Variants in APP observed in about 807,000 individuals in gnomAD.
APP encodes the protein amyloid beta precursor protein.
A neutral mutation model predicts 101.4 loss-of-function variants in APP; 31 were observed. The ratio of observed to expected loss-of-function variants is 0.31; its 90% CI spans 0.23 to 0.41. The LOEUF is 0.41. APP is among the 10% of genes least tolerant of loss of function. The probability of loss-of-function intolerance (pLI) is 1.00; values close to 1 mark genes in which losing one functional copy is unlikely to be tolerated. For missense variants in APP, 839 were observed against 1,003.7 expected (o/e 0.84, Z 2.22); for synonymous variants, 366 against 364.4 (o/e 1.00, Z -0.05).
At chr21:25,885,585 G>T (rs1297070529) in intron 17 of APP, among the ~76,000 whole-genome samples, 1 of 152,120 alleles carries the variant, frequency 6.6e-6, no homozygotes, top group Admixed American at 6.5e-5. Context: ...AGCAGGAAAT[G>T]ATCTGAGGTC....
At position 26,016,955 on chromosome 21, in the gene APP, G is replaced by T. The variant is rs972498180; in HGVS notation, c.865+4885C>A. Among the ~76,000 whole-genome samples the T allele has an allele frequency of 1.9e-4, 25 of 133,026 alleles. 3 individuals are homozygous for T. The highest frequency in any genetic ancestry group is 8.1e-4 in the African/African-American group (25 of 30,830). The allele number at this position is 133,026 out of a possible 152,430, so 87.3% of individuals were successfully genotyped here. A position where few individuals can be genotyped will look rare whatever the true frequency, so the allele number is the denominator to read the frequency against. ...TGGGGGGCGGGGGGCGGGGGGCGGG[G>T]GGTGCCGCCAAGGTGGGCAGATCAT... On this transcript the variant is annotated intron_variant, in intron 6 of 17. Transcript: ENST00000346798.
chr21:26,103,271 C>T (rs916379592), intron 2 of APP, among the ~76,000 whole-genome samples: 15 of 152,180 alleles, frequency 9.9e-5, no homozygotes, highest in African/African-American at 2.4e-4. Flanking sequence ...CTGGACTACA[C>T]GCCAACATTC....
intron 10 of APP, among the ~76,000 whole-genome samples, chr21:25,975,637 C>G (rs1222358684): frequency 1.3e-5 from 2 of 152,090 alleles, no homozygotes; most frequent in Non-Finnish European, 2.9e-5. Context: ...ATCAAAAATT[C>G]AAATTCTCAT....
chr21:26,125,987 A>G (rs1208294721), intron 1 of APP, among the ~76,000 whole-genome samples: 1 of 152,244 alleles, frequency 6.6e-6, no homozygotes, highest in Non-Finnish European at 1.5e-5. Context: ...ACATGTCTAC[A>G]GAGGAATAAG....
At chr21:26,021,626 AG>A (rs1300279390) in intron 6 of APP, among the ~76,000 whole-genome samples, 2 of 152,210 alleles carry the variant, frequency 1.3e-5, no homozygotes, top group African/African-American at 2.4e-5. Context: ...AGCATATACA[AG>A]GTACAAAACA....
At chr21:26,119,416 T>C (rs970862929) in intron 1 of APP, among the ~76,000 whole-genome samples, 3 of 152,258 alleles carry the variant, frequency 2.0e-5, no homozygotes, top group Admixed American at 1.3e-4. Context: ...TCTGGTAGTT[T>C]CCTCTTTAAG....
At chr21:25,928,096 G>A (rs2039977165) in intron 13 of APP, among the ~76,000 whole-genome samples, 1 of 152,096 alleles carries the variant, frequency 6.6e-6, no homozygotes, top group Non-Finnish European at 1.5e-5. Flanking sequence ...TGTAATCCCA[G>A]CATTTTGGGA....
At chr21:26,130,558 G>T (rs1462792526) in intron 1 of APP, among the ~76,000 whole-genome samples, 1 of 152,230 alleles carries the variant, frequency 6.6e-6, no homozygotes, top group Admixed American at 6.5e-5. Context: ...TGAGAATCAA[G>T]TTCCTTTCCA....
chr21:25,942,821 C>T (rs772661714), intron 13 of APP: 22 of 152,138 alleles, frequency 1.4e-4, no homozygotes, highest in East Asian at 1.2e-3. Context: ...TTAAGTGTAA[C>T]GCTCAGGGTA....
At chr21:25,931,076 G>C (rs1352553559) in intron 13 of APP, among the ~76,000 whole-genome samples, 1 of 152,178 alleles carries the variant, frequency 6.6e-6, no homozygotes, top group Non-Finnish European at 1.5e-5. Flanking sequence ...CTTTTTCCAG[G>C]GGAGTGCTAG....
chr21:25,900,417 G>A (rs909613647), intron 15 of APP, among the ~76,000 whole-genome samples: 1 of 148,074 alleles, frequency 6.8e-6, no homozygotes, highest in Non-Finnish European at 1.5e-5. Context: ...AAATTAGCCA[G>A]GTGTGGTGGC....
intron 6 of APP, among the ~76,000 whole-genome samples, chr21:26,016,949 GGC>G (rs1568861019): frequency 1.8e-4 from 4 of 22,462 alleles, no homozygotes; most frequent in Non-Finnish European, 2.7e-4. Context: ...GGGGGCGGGG[GGC>G]GGGGGGTGCC....
At chr21:25,935,601 C>A (rs113957902) in intron 13 of APP, among the ~76,000 whole-genome samples, 1 of 151,768 alleles carries the variant, frequency 6.6e-6, no homozygotes, top group Admixed American at 6.6e-5. Context: ...CAACACTTTG[C>A]GAGGCCGAGG....
At chr21:25,999,921 T>C (rs949584509) in intron 7 of APP, 94 bp downstream of exon 7, 3 of 1,443,338 alleles carry the variant, frequency 2.1e-6, no homozygotes, top group African/African-American at 1.4e-5. Context: ...AACAGGCCCA[T>C]TCCCAAGAAC....
intron 9 of APP, among the ~76,000 whole-genome samples, chr21:25,979,057 C>G (rs1456037414): frequency 7.5e-6 from 1 of 132,784 alleles, no homozygotes; most frequent in East Asian, 2.3e-4. Context: ...AATAAAAGTG[C>G]TCACACATGG....
intron 11 of APP, 137 bp downstream of exon 11, chr21:25,974,933 A>T (rs1272297261): frequency 2.3e-6 from 3 of 1,307,558 alleles, no homozygotes; most frequent in East Asian, 2.5e-5. Flanking sequence ...GATGGAATGG[A>T]CAGGGGTTGA....
At chr21:25,953,514 A>T (rs1444484267) in intron 13 of APP, among the ~76,000 whole-genome samples, 1 of 152,248 alleles carries the variant, frequency 6.6e-6, no homozygotes, top group African/African-American at 2.4e-5. Context: ...CTCTGATTCC[A>T]GATGATAACC....
chr21:25,966,473 C>G (rs1255198285), intron 11 of APP, among the ~76,000 whole-genome samples: 1 of 152,126 alleles, frequency 6.6e-6, no homozygotes, highest in Non-Finnish European at 1.5e-5. Flanking sequence ...GGCAGTCTTT[C>G]AACTTTTAAT....
At chr21:26,080,323 C>T (rs868447617) in intron 3 of APP, among the ~76,000 whole-genome samples, 47 of 152,264 alleles carry the variant, frequency 3.1e-4, no homozygotes, top group African/African-American at 1.0e-3. Context: ...TCAAATAGTG[C>T]TGGAATTTCC....
Sources: allele counts gnomAD v4.1 joint callset (sites outside exome capture counted in the v4.1 genomes callset), GRCh38; gene constraint gnomAD v4.1.1; transcripts MANE v1.5; gene names NCBI Gene and HGNC (gene_info 2026-07-23, HGNC 2026-07-21).